The following PAG1 variants were observed in gnomAD, a reference collection of about 807,000 sequenced individuals.
PAG1 encodes the protein phosphoprotein associated with glycosphingolipid-enriched microdomains 1.
In PAG1, 23 loss-of-function variants were observed where a neutral mutation model predicts 31.7. The ratio of observed to expected loss-of-function variants is 0.73; its 90% confidence interval spans 0.52 to 1.03. PAG1 has a LOEUF of 1.03. PAG1 is among the 50% of genes least tolerant of loss of function. The probability of loss-of-function intolerance (pLI) is 0.00; values close to 1 mark genes in which losing one functional copy is unlikely to be tolerated. For synonymous variants in PAG1, 214 were observed against 210.3 expected (o/e 1.02, Z -0.15); for missense variants, 473 against 540.7 (o/e 0.87, Z 1.24).
chr8:81,020,389 G>A (rs562595765), intron 3 of PAG1, among the ~76,000 whole-genome samples: 6 of 152,288 alleles, frequency 3.9e-5, no homozygotes, highest in African/African-American at 1.4e-4. Flanking sequence ...TAGCTCCCAT[G>A]ATTCCTACAT....
At chr8:81,059,549 T>C (rs1488265537) in intron 2 of PAG1, among the ~76,000 whole-genome samples, 2 of 152,154 alleles carry the variant, frequency 1.3e-5, no homozygotes, top group Admixed American at 6.5e-5. Context: ...CAACAGGATC[T>C]TGGCCAACTT....
chr8:80,998,082 T>G (rs533979547), intron 3 of PAG1, among the ~76,000 whole-genome samples: 1 of 152,244 alleles, frequency 6.6e-6, no homozygotes, highest in Admixed American at 6.5e-5. Context: ...ATAAGTGATT[T>G]AATCACTAGA....
intron 7 of PAG1, among the ~76,000 whole-genome samples, chr8:80,981,236 G>A (rs1181141974): frequency 6.6e-6 from 1 of 151,938 alleles, no homozygotes; most frequent in Non-Finnish European, 1.5e-5. Flanking sequence ...AGCGCTCGTT[G>A]TCAAAGCTCA....
intron 2 of PAG1, among the ~76,000 whole-genome samples, chr8:81,050,581 A>T (rs1006390217): frequency 2.7e-5 from 4 of 149,774 alleles, no homozygotes; most frequent in South Asian, 2.1e-4. Context: ...GTCCTGAAAT[A>T]AAAAAAAAAT....
chr8:81,085,648 G>A (rs775747000), intron 1 of PAG1, among the ~76,000 whole-genome samples: 9 of 152,170 alleles, frequency 5.9e-5, no homozygotes, highest in Non-Finnish European at 1.2e-4. Flanking sequence ...ATTTTGTGAG[G>A]ACTTATTTTC....
At chr8:81,055,129 T>C (rs1333891067) in intron 2 of PAG1, among the ~76,000 whole-genome samples, 1 of 150,328 alleles carries the variant, frequency 6.7e-6, no homozygotes, top group Non-Finnish European at 1.5e-5. Context: ...GGCAGTGCAA[T>C]GATAGTTCAC....
chr8:81,037,524 T>C (rs776502663), intron 2 of PAG1, among the ~76,000 whole-genome samples: 14 of 152,326 alleles, frequency 9.2e-5, no homozygotes, highest in Admixed American at 2.0e-4. Flanking sequence ...TGGCACAGAA[T>C]AGAATAGTTT....
chr8:81,035,711 C>G (rs1029492042), intron 2 of PAG1, among the ~76,000 whole-genome samples: 3 of 152,092 alleles, frequency 2.0e-5, no homozygotes. Flanking sequence ...TCTGGATGTT[C>G]TCTTCTAAAA....
chr8:81,066,381 G>A (rs1200994473), intron 2 of PAG1, among the ~76,000 whole-genome samples: 1 of 152,172 alleles, frequency 6.6e-6, no homozygotes, highest in Non-Finnish European at 1.5e-5. Context: ...GGATTTTTGA[G>A]TGTTACAAAA....
chr8:81,074,709 C>T (rs1809149815), intron 1 of PAG1, among the ~76,000 whole-genome samples: 1 of 152,166 alleles, frequency 6.6e-6, no homozygotes, highest in Non-Finnish European at 1.5e-5. Context: ...AGGTGATTCA[C>T]ACTAAATTTG....
chr8:80,997,701 G>T (rs893390935), intron 3 of PAG1, among the ~76,000 whole-genome samples: 2 of 152,194 alleles, frequency 1.3e-5, no homozygotes, highest in African/African-American at 4.8e-5. Context: ...GCTGTACTAA[G>T]ATGAGCCACA....
chr8:81,057,875 C>G (rs1352442860), intron 2 of PAG1, among the ~76,000 whole-genome samples: 1 of 152,128 alleles, frequency 6.6e-6, no homozygotes, highest in Non-Finnish European at 1.5e-5. Flanking sequence ...GTACTTCTTT[C>G]CACCATATAT....
At chr8:80,995,338 G>A (rs1208395082) in intron 3 of PAG1, among the ~76,000 whole-genome samples, 1 of 152,186 alleles carries the variant, frequency 6.6e-6, no homozygotes, top group Non-Finnish European at 1.5e-5. Flanking sequence ...TGTATATTGT[G>A]CCTGTAAACA....
rs903336865 is a variant in PAG1, at chr8:80,993,279, G to T, written c.-52C>A. On this transcript the variant is annotated 5_prime_UTR_variant, in exon 4 of 9. Transcript: ENST00000220597. ...GAGGGAATCAGTCAGTCCTTCAAAGGTGGTGACATGGAGGCAGAGAGCTGT... is the reference window on the plus strand; with the variant it reads ...GAGGGAATCAGTCAGTCCTTCAAAGTTGGTGACATGGAGGCAGAGAGCTGT... 7.7e-6 allele frequency: 12 copies of T among 1,553,162 alleles called. No homozygotes were observed. Among genetic ancestry groups the T allele is most frequent in the Non-Finnish European group, 1.0e-5 (12 of 1,150,074 alleles).
Position 80,972,807 on chromosome 8 carries a change from T to C in PAG1, c.*3737A>G, listed in dbSNP as rs549812061. 1 of 152,278 alleles carries C rather than the reference T, an allele frequency of 6.6e-6. No homozygotes were observed. Among genetic ancestry groups the C allele is most frequent in the East Asian group, 1.9e-4 (1 of 5,180 alleles). 9.4% of individuals were successfully genotyped at this position (152,278 alleles called of 1,614,324 possible). A position where few individuals can be genotyped will look rare whatever the true frequency, so the allele number is the denominator to read the frequency against. On this transcript the variant is annotated 3_prime_UTR_variant, in exon 9 of 9. Transcript: ENST00000220597. ...CAAATGAAACTGATTGAAAAACTGT[T>C]CCTTCTAATTCTGCTTTTCCAACAA...
chr8:81,070,668 AG>A (rs1312189605), intron 1 of PAG1, among the ~76,000 whole-genome samples: 1 of 151,768 alleles, frequency 6.6e-6, no homozygotes, highest in East Asian at 1.9e-4. Context: ...AAAAAAAAAA[AG>A]GTGAAACAAA....
chr8:80,980,382 G>T (rs899885323), intron 8 of PAG1, 53 bp downstream of exon 8: 4 of 928,458 alleles, frequency 4.3e-6, no homozygotes, highest in South Asian at 2.6e-5. Flanking sequence ...TTCAAGGGGG[G>T]AAGGTCTATT....
chr8:81,106,237 G>A (rs967847278), intron 1 of PAG1, among the ~76,000 whole-genome samples: 1 of 151,978 alleles, frequency 6.6e-6, no homozygotes, highest in Non-Finnish European at 1.5e-5. Flanking sequence ...GTAGAAACTG[G>A]GTTTCACCAT....
At chr8:81,057,816 G>C (rs1808852552) in intron 2 of PAG1, among the ~76,000 whole-genome samples, 1 of 152,148 alleles carries the variant, frequency 6.6e-6, no homozygotes, top group Non-Finnish European at 1.5e-5. Context: ...TCAAAGTCCA[G>C]TCTTTTACTT....
Sources: allele counts gnomAD v4.1 joint callset (sites outside exome capture counted in the v4.1 genomes callset), GRCh38; gene constraint gnomAD v4.1.1; transcripts MANE v1.5; gene names NCBI Gene and HGNC (gene_info 2026-07-23, HGNC 2026-07-21).